Variants in PAPSS1 observed in about 807,000 individuals in gnomAD.
PAPSS1 encodes the protein 3'-phosphoadenosine 5'-phosphosulfate synthase 1.
Under a neutral mutation model 72.0 loss-of-function variants are expected in PAPSS1, and 50 were observed. The ratio of observed to expected loss-of-function variants is 0.69; its 90% CI spans 0.55 to 0.88. PAPSS1 has a LOEUF of 0.88. Among genes scored for constraint, PAPSS1 ranks in the 40% least tolerant of loss-of-function variants. The probability of loss-of-function intolerance (pLI) is 0.00; values close to 1 mark genes in which losing one functional copy is unlikely to be tolerated. For missense variants in PAPSS1, 657 were observed against 782.2 expected, an observed-to-expected ratio of 0.84 and a Z score of 1.91; for synonymous variants, 261 against 263.6, an observed-to-expected ratio of 0.99 and a Z score of 0.09.
At chr4:107,630,288 T>G (rs1726196343) in intron 11 of PAPSS1, among the ~76,000 whole-genome samples, 1 of 152,238 alleles carries the variant, frequency 6.6e-6, no homozygotes, top group African/African-American at 2.4e-5. Flanking sequence ...CCCTCACGTA[T>G]GTTTGATATA....
intron 9 of PAPSS1, among the ~76,000 whole-genome samples, chr4:107,646,790 C>T (rs375202918): frequency 1.3e-5 from 2 of 152,252 alleles, no homozygotes; most frequent in African/African-American, 4.8e-5. Flanking sequence ...CTGACCAGAA[C>T]TCTACCCAAG....
intron 5 of PAPSS1, among the ~76,000 whole-genome samples, chr4:107,672,420 A>G (rs1459367838): frequency 6.6e-6 from 1 of 152,228 alleles, no homozygotes; most frequent in East Asian, 1.9e-4. Context: ...GGAGAATTAT[A>G]TCCCGTGCCA....
At chr4:107,614,542 CTG>C (rs1725771879) in intron 11 of PAPSS1, among the ~76,000 whole-genome samples, 155 bp from the exon 12 acceptor site, 1 of 100,034 alleles carries the variant, frequency 1.0e-5, no homozygotes, top group South Asian at 2.7e-4. Context: ...AAATTTGTCA[CTG>C]AACAAAAAAC....
In PAPSS1 at chr4:107,673,276, A is replaced by C. The variant is rs187202927; in HGVS notation, c.669+8739T>G. On this transcript the variant is annotated intron_variant, in intron 5 of 11. Coordinates refer to ENST00000265174, the MANE Select transcript of PAPSS1 (RefSeq NM_005443.5). ...TCAAACTACTCTGACCTAAAGGAGG[A>C]AGTTCAAACCCATGGCAAAGAAGTT... Among the ~76,000 whole-genome samples the C allele has an allele frequency of 6.1e-3, 928 of 152,316 alleles. 4 individuals carry two copies. Among genetic ancestry groups the C allele is most frequent in the Non-Finnish European group, 9.8e-3 (669 of 68,020 alleles).
chr4:107,685,965 TTTAG>T (rs1253709196), intron 4 of PAPSS1, among the ~76,000 whole-genome samples: 2 of 152,206 alleles, frequency 1.3e-5, no homozygotes, highest in Non-Finnish European at 2.9e-5. Flanking sequence ...CAATGGTATC[TTTAG>T]TTAGTTTTTT....
intron 5 of PAPSS1, among the ~76,000 whole-genome samples, chr4:107,664,539 C>T (rs963338960): frequency 6.6e-6 from 1 of 152,150 alleles, no homozygotes; most frequent in African/African-American, 2.4e-5. Context: ...CCCCACAACA[C>T]TGAGGGCACA....
chr4:107,657,073 C>T (rs1727034119), intron 6 of PAPSS1, 66 bp from the exon 7 acceptor site: 2 of 966,968 alleles, frequency 2.1e-6, no homozygotes, highest in Admixed American at 1.7e-5. Flanking sequence ...GCAGTGATGA[C>T]CTTTAGGAAT....
At chr4:107,711,626 A>G (rs1723498765) in intron 1 of PAPSS1, among the ~76,000 whole-genome samples, 1 of 152,232 alleles carries the variant, frequency 6.6e-6, no homozygotes, top group Non-Finnish European at 1.5e-5. Flanking sequence ...TATTCCTCCA[A>G]TGAGAAATCC....
At chr4:107,684,403 G>A (rs966597627) in intron 4 of PAPSS1, among the ~76,000 whole-genome samples, 6 of 152,022 alleles carry the variant, frequency 3.9e-5, no homozygotes, top group Non-Finnish European at 7.4e-5. Flanking sequence ...ATGTTTCTTT[G>A]CCATATTTTG....
At chr4:107,688,526 G>A (rs1244962631) in intron 3 of PAPSS1, among the ~76,000 whole-genome samples, 1 of 152,116 alleles carries the variant, frequency 6.6e-6, no homozygotes, top group Non-Finnish European at 1.5e-5. Flanking sequence ...GTCCTTTTCA[G>A]TATTTAAAAT....
chr4:107,665,173 C>T (rs1276393708), intron 5 of PAPSS1, among the ~76,000 whole-genome samples: 1 of 152,228 alleles, frequency 6.6e-6, no homozygotes, highest in Admixed American at 6.5e-5. Flanking sequence ...ATGAGTTATA[C>T]ACAGATTCTA....
Position 107,701,216 on chromosome 4 carries a change from C to G in PAPSS1, c.130G>C (p.Val44Leu), listed in dbSNP as rs781056255. The change falls in exon 2 of 12, where the codon GTG (valine) becomes CTG (leucine). Residue 44 changes from valine to leucine, a missense_variant. Val to Leu is a conservative substitution (Grantham distance 32). Around this residue, in one of 7 missense-constraint regions of PAPSS1, gnomAD observed 119 missense variants for 171.1 expected, o/e 0.70. Transcript: ENST00000265174. The part of the protein sequence containing the change: ...HVSRNKRGQV[V>L]GTRGGFRGCT... Reference sequence around the variant, plus strand: ...CCACGAAAGCCACCTCTGGTCCCCACCACCTGACCTCTCTTGTTCCTGCTG... The same window carrying G: ...CCACGAAAGCCACCTCTGGTCCCCAGCACCTGACCTCTCTTGTTCCTGCTG... 6.2e-7 allele frequency: 1 copy of G among 1,613,924 alleles called. No individual in the cohort carries two copies. The highest frequency in any genetic ancestry group is 8.5e-7 in the Non-Finnish European group (1 of 1,179,876).
intron 2 of PAPSS1, among the ~76,000 whole-genome samples, chr4:107,695,888 C>T (rs1723051945): frequency 6.6e-6 from 1 of 152,044 alleles, no homozygotes; most frequent in South Asian, 2.1e-4. Flanking sequence ...AAGAAATAAA[C>T]AACCCCATCA....
At chr4:107,665,636 G>A (rs566742519) in intron 5 of PAPSS1, among the ~76,000 whole-genome samples, 2 of 152,066 alleles carry the variant, frequency 1.3e-5, no homozygotes, top group East Asian at 3.9e-4. Flanking sequence ...CTGAGCAGGG[G>A]ATCAGTAAAT....
intron 9 of PAPSS1, among the ~76,000 whole-genome samples, chr4:107,649,277 C>T (rs1029081591): frequency 3.3e-5 from 5 of 152,216 alleles, no homozygotes; most frequent in South Asian, 2.1e-4. Flanking sequence ...TGCCTCAGCG[C>T]GTGATTCTGG....
intron 1 of PAPSS1, among the ~76,000 whole-genome samples, chr4:107,713,377 T>G (rs1210849892): frequency 6.6e-6 from 1 of 152,112 alleles, no homozygotes; most frequent in African/African-American, 2.4e-5. Context: ...GGTTTCTTTT[T>G]GGGGACATGT....
chr4:107,683,380 T>A (rs1722685571), intron 4 of PAPSS1, among the ~76,000 whole-genome samples: 1 of 151,756 alleles, frequency 6.6e-6, no homozygotes. Context: ...AAAAAATAAT[T>A]CTGATTAAGA....
intron 10 of PAPSS1, among the ~76,000 whole-genome samples, chr4:107,638,354 G>A (rs1465164611): frequency 1.3e-5 from 2 of 152,094 alleles, no homozygotes; most frequent in East Asian, 1.9e-4. Flanking sequence ...CGTATATGAG[G>A]CCCAATACAA....
intron 10 of PAPSS1, among the ~76,000 whole-genome samples, chr4:107,639,732 G>A (rs1236267526): frequency 6.6e-6 from 1 of 152,166 alleles, no homozygotes; most frequent in Non-Finnish European, 1.5e-5. Context: ...ATCTCAAGAA[G>A]TAACATCAGT....
Sources: allele counts gnomAD v4.1 joint callset (sites outside exome capture counted in the v4.1 genomes callset), GRCh38; gene constraint gnomAD v4.1.1; regional missense constraint gnomAD v4.1.1; transcripts MANE v1.5; gene names NCBI Gene and HGNC (gene_info 2026-07-23, HGNC 2026-07-21).